SPDYE21: variants seen among roughly 807,000 people sequenced by gnomAD.
SPDYE21 encodes speedy protein E21.
A neutral mutation model predicts 36.2 loss-of-function variants in SPDYE21; 14 were observed. That is an observed-to-expected ratio of 0.39 (90% CI 0.26 to 0.61). SPDYE21 has a LOEUF of 0.61. SPDYE21 is among the 20% of genes least tolerant of loss of function. The probability of loss-of-function intolerance (pLI) is 0.55; values close to 1 mark genes in which losing one functional copy is unlikely to be tolerated. For synonymous variants in SPDYE21, 58 were observed against 155.1 expected, an observed-to-expected ratio of 0.37 and a Z score of 4.65; for missense variants, 233 against 424.6, an observed-to-expected ratio of 0.55 and a Z score of 3.97.
At chr7:67,286,478 C>T (rs6962577) in intron 7 of SPDYE21, among the ~76,000 whole-genome samples, 41 bp downstream of exon 7, 48,405 of 150,616 alleles carry the variant, frequency 0.32, 7,660 homozygotes, top group East Asian at 0.41. Context: ...GGGGAGGAAT[C>T]GGGTGGGCTG....
intron 1 of SPDYE21, among the ~76,000 whole-genome samples, 104 bp from the exon 2 acceptor site, chr7:67,278,188 C>T (rs145270115): frequency 0.011 from 307 of 28,960 alleles, 5 homozygotes; most frequent in East Asian, 0.021. Context: ...CTCACTCTTG[C>T]ACATGATAAT....
At position 67,286,277 on chromosome 7, in the gene SPDYE21, G is replaced by T; in HGVS notation, c.989G>T (p.Arg330Leu). ...MNPRARKYRS[R>L]IPLVRKRRFQ... Reference sequence around the variant, plus strand: ...CCGAGGGCCAGGAAGTACCGCTCTCGCATACCCTTGGTCCGTAAGCGTCGG... The same window carrying T: ...CCGAGGGCCAGGAAGTACCGCTCTCTCATACCCTTGGTCCGTAAGCGTCGG... The change falls in exon 7 of 9, where the codon CGC (arginine) becomes CTC (leucine). Residue 330 changes from arginine to leucine, a missense_variant. Around this residue, in one of 4 missense-constraint regions of SPDYE21, gnomAD observed 139 missense variants for 175.8 expected, o/e 0.79. Coordinates refer to ENST00000424157, the MANE Select transcript of SPDYE21 (RefSeq NM_001382715.2). The T allele has an allele frequency of 6.3e-7, 1 of 1,591,984 alleles. No homozygotes were observed. Among genetic ancestry groups the T allele is most frequent in the Non-Finnish European group, 8.6e-7 (1 of 1,163,840 alleles).
rs1267237309 is a variant in SPDYE21, at chr7:67,287,470, C to G, written c.*46-48C>G. The stretch of plus-strand genomic sequence containing the variant: ...CATGGGACGTGAATAACCTTCCTGT[C>G]TAGAGAGCTGCCTCCTTGAAGTGTG... On this transcript the variant is annotated intron_variant, in intron 8 of 8. Coordinates refer to ENST00000424157, the MANE Select transcript of SPDYE21 (RefSeq NM_001382715.2). Among the ~76,000 whole-genome samples, 3 of 152,080 alleles carry G rather than the reference C, an allele frequency of 2.0e-5. 1 individual carries two copies. The highest frequency in any genetic ancestry group is 7.2e-5 in the African/African-American group (3 of 41,410).
Position 67,288,546 on chromosome 7 carries a change from T to C in SPDYE21, c.*1074T>C, listed in dbSNP as rs1321543202. On this transcript the variant is annotated 3_prime_UTR_variant, in exon 9 of 9. Coordinates refer to ENST00000424157, the MANE Select transcript of SPDYE21 (RefSeq NM_001382715.2). ...ATTATTTTAAATATTTTGGAAATACTGGTATTTTTGAATAGATGCTGTTTC... is the reference window on the plus strand; with the variant it reads ...ATTATTTTAAATATTTTGGAAATACCGGTATTTTTGAATAGATGCTGTTTC... Among the ~76,000 whole-genome samples the C allele has an allele frequency of 1.3e-5, 2 of 148,450 alleles. No homozygotes were observed. Among genetic ancestry groups the C allele is most frequent in the Admixed American group, 6.7e-5 (1 of 14,848 alleles).
rs1380553558 is a variant in SPDYE21, at chr7:67,276,975, C to T, written c.-510C>T. Among the ~76,000 whole-genome samples, 1 of 152,216 alleles carries T rather than the reference C, an allele frequency of 6.6e-6. No individual in the cohort carries two copies. The highest frequency in any genetic ancestry group is 6.5e-5 in the Admixed American group (1 of 15,276). ...ACTTCCACAGCAATGGGATCGGCTT[C>T]CTCTTTCAGTGTGTGCCTTTTCTAT... On this transcript the variant is annotated 5_prime_UTR_variant, in exon 1 of 9. Coordinates refer to ENST00000424157, the MANE Select transcript of SPDYE21 (RefSeq NM_001382715.2).
At chr7:67,279,255 A>C (rs1336160394) in intron 2 of SPDYE21, among the ~76,000 whole-genome samples, 2 of 145,250 alleles carry the variant, frequency 1.4e-5, no homozygotes, top group African/African-American at 5.1e-5. Context: ...GGTGTGTGGG[A>C]AGAATGGAGA....
Position 67,286,021 on chromosome 7 carries a change from A to T in SPDYE21, c.756-23A>T, listed in dbSNP as rs2116514470. 6.2e-6 allele frequency: 10 copies of T among 1,612,426 alleles called. No homozygotes were observed. In the South Asian group the frequency reaches 9.9e-5, roughly 16 times the overall value. ...GCCTCTCCTGGTGGTGCCCCTGAGC[A>T]GCAACCTGATTTCTATCCTCAGCTA... On this transcript the variant is annotated intron_variant, in intron 6 of 8. Transcript: ENST00000424157.
intron 2 of SPDYE21, among the ~76,000 whole-genome samples, chr7:67,279,270 C>T (rs1802592615): frequency 6.9e-6 from 1 of 144,010 alleles, no homozygotes; most frequent in Non-Finnish European, 1.5e-5. Context: ...TGGAGAAATT[C>T]AGGCTGGGTG....
At chr7:67,287,433 C>T (rs1802760351) in intron 8 of SPDYE21, among the ~76,000 whole-genome samples, 85 bp from the exon 9 acceptor site, 1 of 152,150 alleles carries the variant, frequency 6.6e-6, no homozygotes, top group African/African-American at 2.4e-5. Context: ...TTGCTCTGAA[C>T]TCTAGACTTG....
intron 5 of SPDYE21, among the ~76,000 whole-genome samples, chr7:67,282,910 G>C (rs1368457983): frequency 2.2e-5 from 3 of 134,410 alleles, no homozygotes; most frequent in African/African-American, 8.5e-5. Context: ...GGGTTCAAGC[G>C]ATTCTCCTGC....
intron 5 of SPDYE21, among the ~76,000 whole-genome samples, 158 bp downstream of exon 5, chr7:67,282,851 G>C (rs533816368): frequency 4.3e-5 from 6 of 140,950 alleles, no homozygotes; most frequent in Admixed American, 7.3e-5. Flanking sequence ...CTGTTGCCCA[G>C]GCTGGAGGGC....
chr7:67,286,812 G>A (rs1802745759), intron 8 of SPDYE21, among the ~76,000 whole-genome samples, 148 bp downstream of exon 8: 1 of 152,198 alleles, frequency 6.6e-6, no homozygotes, highest in Admixed American at 6.5e-5. Flanking sequence ...AGGCGATGTG[G>A]GACGCATCTC....
chr7:67,282,293 T>C (rs1328589895), intron 4 of SPDYE21, among the ~76,000 whole-genome samples: 9 of 152,270 alleles, frequency 5.9e-5, no homozygotes, highest in Non-Finnish European at 1.2e-4. Flanking sequence ...CCCAAGGCCA[T>C]GGTCACACCC....
rs1419444819 is a variant in SPDYE21 at position 67,288,876 on chromosome 7, T to C, written c.*1404T>C. Among the ~76,000 whole-genome samples, 1 of 151,080 alleles carries C rather than the reference T, an allele frequency of 6.6e-6. No homozygotes were observed. The highest frequency in any genetic ancestry group is 1.5e-5 in the Non-Finnish European group (1 of 67,898). On this transcript the variant is annotated 3_prime_UTR_variant, in exon 9 of 9. Coordinates refer to ENST00000424157, the MANE Select transcript of SPDYE21 (RefSeq NM_001382715.2). ...TTTTTACCTTGTTTTGGCATGTTTGTATATTACTTTAAAGAGGATGTGTGT... is the reference window on the plus strand; with the variant it reads ...TTTTTACCTTGTTTTGGCATGTTTGCATATTACTTTAAAGAGGATGTGTGT...
chr7:67,283,675 C>G (rs1450337222), intron 5 of SPDYE21, among the ~76,000 whole-genome samples: 1 of 152,078 alleles, frequency 6.6e-6, no homozygotes, highest in African/African-American at 2.4e-5. Flanking sequence ...CTCCAAAGAT[C>G]CCATCGGAGC....
chr7:67,278,741 A>G lies in SPDYE21; in HGVS notation c.28A>G (p.Lys10Glu), dbSNP rs1409910782. The change falls in exon 2 of 9, where the codon AAG (lysine) becomes GAG (glutamate). Residue 10 changes from lysine (K) to glutamate (E), a missense_variant. Transcript: ENST00000424157. MDRTETRFRKRGQITGKITT... is the reference protein window; with the variant it reads MDRTETRFRERGQITGKITT... ...GGACAGAACGGAGACTAGGTTCCGT[A>G]AGAGGGGACAGATTACGGGAAAGAT... Among the ~76,000 whole-genome samples the G allele has an allele frequency of 1.3e-5, 2 of 151,206 alleles. No homozygotes were observed. The highest frequency in any genetic ancestry group is 2.1e-4 in the South Asian group (1 of 4,778).
At chr7:67,279,204 A>G (rs1477650655) in intron 2 of SPDYE21, among the ~76,000 whole-genome samples, 1 of 149,268 alleles carries the variant, frequency 6.7e-6, no homozygotes, top group Non-Finnish European at 1.5e-5. Flanking sequence ...AAAAGAAAAA[A>G]GAAAAGAAGG....
At chr7:67,286,866 G>A (rs1163724693) in intron 8 of SPDYE21, among the ~76,000 whole-genome samples, 1 of 151,870 alleles carries the variant, frequency 6.6e-6, no homozygotes, top group Non-Finnish European at 1.5e-5. Flanking sequence ...GATTGCTGGA[G>A]CCTGGAAGGT....
Position 67,286,372 on chromosome 7 carries a change from C to G in SPDYE21, c.1084C>G (p.Leu362Val), listed in dbSNP as rs1802734789. 10 of 1,613,750 alleles carry G rather than the reference C, an allele frequency of 6.2e-6. No homozygotes were observed. The highest frequency in any genetic ancestry group is 2.2e-5 in the East Asian group (1 of 44,884). ...CTCTCAGATAGTCCTGTTCCAGAAA[C>G]TTCGGTTCCAGTTCTTCTGTTCCAT... ...NRSQIVLFQKLRFQFFCSMSG... is the reference protein window; with the variant it reads ...NRSQIVLFQKVRFQFFCSMSG... The change falls in exon 7 of 9, where the codon CTT (leucine) becomes GTT (valine). Residue 362 changes from leucine to valine, a missense_variant. Around this residue, in one of 4 missense-constraint regions of SPDYE21, gnomAD observed 139 missense variants for 175.8 expected, o/e 0.79. Coordinates refer to ENST00000424157, the MANE Select transcript of SPDYE21 (RefSeq NM_001382715.2).
Sources: gnomAD v4.1 joint callset for allele counts (sites outside exome capture counted in the v4.1 genomes callset) on GRCh38, gnomAD v4.1.1 for gene constraint, gnomAD v4.1.1 regional missense constraint, MANE v1.5 for transcripts, NCBI Gene and HGNC (gene_info 2026-07-23, HGNC 2026-07-21) for gene names.